The following RET variants were observed in gnomAD, a reference collection of about 807,000 sequenced individuals.
The protein encoded by RET is ret proto-oncogene.
A neutral mutation model predicts 118.3 loss-of-function variants in RET; 19 were observed. The ratio of observed to expected loss-of-function variants is 0.16; its 90% CI spans 0.11 to 0.24. The LOEUF (loss-of-function observed/expected upper bound fraction) is 0.24, where lower values mean the gene tolerates loss of function less well. Among genes scored for constraint, RET ranks in the 10% least tolerant of loss-of-function variants. The probability of loss-of-function intolerance (pLI) is 1.00; values close to 1 mark genes in which losing one functional copy is unlikely to be tolerated. For synonymous variants in RET, 597 were observed against 644.1 expected, an observed-to-expected ratio of 0.93 and a Z score of 1.11; for missense variants, 1,219 against 1,502.1, an observed-to-expected ratio of 0.81 and a Z score of 3.12.
At chr10:43,087,971 G>A (rs953790947) in intron 1 of RET, among the ~76,000 whole-genome samples, 1 of 152,212 alleles carries the variant, frequency 6.6e-6, no homozygotes, top group Non-Finnish European at 1.5e-5. Flanking sequence ...TGATAGTGGA[G>A]GTCGTGATGA....
chr10:43,104,216 G>A (rs1837705837), intron 3 of RET, among the ~76,000 whole-genome samples: 2 of 151,456 alleles, frequency 1.3e-5, no homozygotes, highest in African/African-American at 4.9e-5. Flanking sequence ...CACTGTGTTT[G>A]TTTTCAAGTG....
rs1420085540 is a variant in RET at position 43,111,362 on chromosome 10, G to T, written c.1419G>T (p.Leu473=). 6.2e-7 allele frequency: 1 copy of T among 1,614,072 alleles called. No homozygotes were observed. The highest frequency in any genetic ancestry group is 1.1e-5 in the South Asian group (1 of 91,090). The stretch of plus-strand genomic sequence containing the variant: ...TGTTTGTGAATGACACCAAGGCCCT[G>T]CGGCGGCCCAAGTGTGCCGAACTTC... The part of the protein sequence containing the change: ...GILFVNDTKA[L]RRPKCAELHY... Residue 473 remains leucine (L), a synonymous_variant, in exon 7 of 20, where the codon CTG becomes CTT. Transcript: ENST00000355710.
At chr10:43,122,041 G>C in intron 16 of RET, 25 bp downstream of exon 16, 2 of 1,594,626 alleles carry the variant, frequency 1.3e-6, no homozygotes, top group Non-Finnish European at 1.7e-6. Context: ...TGCTCTCTTG[G>C]GGTGGAGGTT....
In RET at chr10:43,111,182, A is replaced by G. The variant is rs9282887; in HGVS notation, c.1264-25A>G. On this transcript the variant is annotated intron_variant, in intron 6 of 19. Coordinates refer to ENST00000355710, the MANE Select transcript of RET (RefSeq NM_020975.6). ...TACAGGCCGGTCCAGCTGCCTGGCT[A>G]AGGTGTTCCCCTGTGCCCCCCTAGA... 1.3e-4 allele frequency: 216 copies of G among 1,612,920 alleles called. 1 individual carries two copies. The African/African-American group carries it at 2.1e-3, about 16-fold the overall frequency.
At chr10:43,121,645 C>T (rs1252992069) in intron 15 of RET, among the ~76,000 whole-genome samples, 1 of 152,174 alleles carries the variant, frequency 6.6e-6, no homozygotes, top group South Asian at 2.1e-4. Context: ...GGGGGAGTTC[C>T]AGGCCCATGC....
In RET at chr10:43,123,799, G is replaced by C. The variant is rs1241725166; in HGVS notation, c.2930G>C (p.Ser977Thr). 1.2e-6 allele frequency: 2 copies of C among 1,614,112 alleles called. No individual in the cohort carries two copies. Among genetic ancestry groups the C allele is most frequent in the South Asian group, 2.2e-5 (2 of 91,090 alleles). Residue 977 changes from serine (S) to threonine (T), a missense_variant, in exon 17 of 20, where the codon AGC (serine) becomes ACC (threonine). By Grantham distance (58) the Ser-to-Thr change is moderately conservative. Coordinates refer to ENST00000355710, the MANE Select transcript of RET (RefSeq NM_020975.6). Reference sequence around the variant, plus strand: ...CGGATGGAGAGGCCAGACAACTGCAGCGAGGAGATGTGAGCGGGGACTGGC... The same window carrying C: ...CGGATGGAGAGGCCAGACAACTGCACCGAGGAGATGTGAGCGGGGACTGGC... ...GHRMERPDNC[S>T]EEMYRLMLQC... is the part of the protein sequence containing the mutation.
chr10:43,126,969 AGG>A, intron 19 of RET: 1 of 1,405,750 alleles, frequency 7.1e-7, no homozygotes, highest in Non-Finnish European at 9.2e-7. Flanking sequence ...AGGATGGTAG[AGG>A]AAAAAACAGA....
At chr10:43,095,416 G>T (rs1318116003) in intron 1 of RET, among the ~76,000 whole-genome samples, 3 of 152,164 alleles carry the variant, frequency 2.0e-5, no homozygotes, top group Non-Finnish European at 2.9e-5. Context: ...ATGAAGCTTG[G>T]CCTTGTGCTG....
chr10:43,092,131 C>T (rs1243121258), intron 1 of RET, among the ~76,000 whole-genome samples: 1 of 152,186 alleles, frequency 6.6e-6, no homozygotes, highest in Non-Finnish European at 1.5e-5. Flanking sequence ...ATAATACAGA[C>T]ATACAATGGA....
chr10:43,097,279 A>G (rs1176171755), intron 1 of RET, among the ~76,000 whole-genome samples: 2 of 152,196 alleles, frequency 1.3e-5, no homozygotes, highest in African/African-American at 4.8e-5. Context: ...TGCTCCTGCG[A>G]CAGATGGGGT....
At position 43,102,640 on chromosome 10, in the gene RET, A is replaced by G. The variant is rs778239396; in HGVS notation, c.625+11A>G. ...ACAGGCTCCTGGAGGGTGAGTGCCG[A>G]CCTTGTGGGGCCGCCCCACAGTGCC... On this transcript the variant is annotated intron_variant, in intron 3 of 19. Coordinates refer to ENST00000355710, the MANE Select transcript of RET (RefSeq NM_020975.6). The G allele has an allele frequency of 2.9e-5, 46 of 1,613,634 alleles. No homozygotes were observed. Among genetic ancestry groups the G allele is most frequent in the Non-Finnish European group, 3.9e-5 (46 of 1,180,020 alleles).
At chr10:43,121,920 A>T (rs367961801) in intron 15 of RET, 26 bp from the exon 16 acceptor site, 1 of 1,576,674 alleles carries the variant, frequency 6.3e-7, no homozygotes, top group Non-Finnish European at 8.7e-7. Context: ...AGTAACTTCA[A>T]TGTCTTTATT....
At chr10:43,082,412 G>A (rs944299844) in intron 1 of RET, among the ~76,000 whole-genome samples, 7 of 152,236 alleles carry the variant, frequency 4.6e-5, no homozygotes, top group Admixed American at 6.5e-5. Flanking sequence ...AAAGGTCACC[G>A]CTGCACCTGG....
At chr10:43,107,312 G>A (rs910113078) in intron 5 of RET, among the ~76,000 whole-genome samples, 1 of 152,156 alleles carries the variant, frequency 6.6e-6, no homozygotes, top group Non-Finnish European at 1.5e-5. Context: ...CCTTGCCCTG[G>A]CACTGAACAC....
At chr10:43,101,461 A>T (rs1837641168) in intron 2 of RET, among the ~76,000 whole-genome samples, 1 of 152,188 alleles carries the variant, frequency 6.6e-6, no homozygotes, top group Admixed American at 6.5e-5. Flanking sequence ...GGTGCAGGGG[A>T]GGGAGGAGAC....
At position 43,111,192 on chromosome 10, in the gene RET, C is replaced by T. The variant is rs781151199; in HGVS notation, c.1264-15C>T. ...TCCAGCTGCCTGGCTAAGGTGTTCCCCTGTGCCCCCCTAGATCGGGAAAGT... is the reference window on the plus strand; with the variant it reads ...TCCAGCTGCCTGGCTAAGGTGTTCCTCTGTGCCCCCCTAGATCGGGAAAGT... On this transcript the variant is annotated splice_polypyrimidine_tract_variant and intron_variant, in intron 6 of 19. Transcript: ENST00000355710. The T allele has an allele frequency of 5.6e-6, 9 of 1,613,478 alleles. No individual in the cohort carries two copies. Among genetic ancestry groups the T allele is most frequent in the South Asian group, 1.1e-5 (1 of 91,080 alleles).
chr10:43,105,275 A>G, intron 4 of RET, 82 bp downstream of exon 4: 2 of 1,595,484 alleles, frequency 1.3e-6, no homozygotes, highest in South Asian at 2.2e-5. Flanking sequence ...GTGTCCGTGT[A>G]GCCACCCAAC....
At chr10:43,088,558 C>A (rs1837345346) in intron 1 of RET, among the ~76,000 whole-genome samples, 1 of 151,990 alleles carries the variant, frequency 6.6e-6, no homozygotes, top group Non-Finnish European at 1.5e-5. Context: ...ATGCAGCCAT[C>A]TTCTGTGAGC....
At chr10:43,127,345 C>G (rs1838358541) in intron 19 of RET, 2 of 1,067,422 alleles carry the variant, frequency 1.9e-6, no homozygotes, top group Non-Finnish European at 2.3e-6. Flanking sequence ...CTTTCCCTTA[C>G]CCACCTTCAG....
Sources: allele counts gnomAD v4.1 joint callset (sites outside exome capture counted in the v4.1 genomes callset), GRCh38; gene constraint gnomAD v4.1.1; transcripts MANE v1.5; gene names NCBI Gene and HGNC (gene_info 2026-07-23, HGNC 2026-07-21).